PLA2G4D: variants seen among roughly 807,000 people sequenced by gnomAD.
The protein encoded by PLA2G4D is cytosolic phospholipase A2 delta.
A neutral mutation model predicts 94.4 loss-of-function variants in PLA2G4D; 80 were observed. The ratio of observed to expected loss-of-function variants is 0.85; its 90% CI spans 0.71 to 1.02. The LOEUF is 1.02. PLA2G4D is among the 50% of genes least tolerant of loss of function. The pLI is 0.00. For synonymous variants in PLA2G4D, 438 were observed against 440.9 expected, an observed-to-expected ratio of 0.99 and a Z score of 0.08; for missense variants, 1,050 against 1,034.7, an observed-to-expected ratio of 1.01 and a Z score of -0.20.
At chr15:42,091,711 A>C (rs528603737) in intron 1 of PLA2G4D, among the ~76,000 whole-genome samples, 11 of 152,240 alleles carry the variant, frequency 7.2e-5, no homozygotes, top group African/African-American at 2.6e-4. Context: ...TTCAGTAGTC[A>C]CGCTCCTAGT....
In PLA2G4D at chr15:42,079,650, G is replaced by A. The variant is rs768924485; in HGVS notation, c.1204C>T (p.Pro402Ser). 6.2e-7 allele frequency: 1 copy of A among 1,613,000 alleles called. No homozygotes were observed. The highest frequency in any genetic ancestry group is 1.1e-5 in the South Asian group (1 of 90,928). ...CGGCGGTAGCTCGCCAGGCGCTCTG[G>A]GGAAAAGACCTCCAGCTTGCTCTTG... The part of the protein sequence containing the change: ...LAKSKLEVFS[P>S]ERLASYRREL... The change falls in exon 13 of 20, where the codon CCA becomes TCA. Residue 402 changes from proline to serine, a missense_variant. Transcript: ENST00000290472.
chr15:42,072,736 C>T (rs1408869053), intron 13 of PLA2G4D, among the ~76,000 whole-genome samples: 1 of 152,216 alleles, frequency 6.6e-6, no homozygotes, highest in African/African-American at 2.4e-5. Context: ...GACACATGCA[C>T]ACATCCACGT....
At chr15:42,091,037 G>A (rs572169577) in intron 1 of PLA2G4D, among the ~76,000 whole-genome samples, 2 of 152,104 alleles carry the variant, frequency 1.3e-5, no homozygotes, top group South Asian at 2.1e-4. Context: ...CCTGTCATTC[G>A]ACACATTCCG....
chr15:42,086,116 C>T, intron 4 of PLA2G4D, 97 bp downstream of exon 4: 2 of 1,348,168 alleles, frequency 1.5e-6, no homozygotes, highest in East Asian at 2.5e-5. Flanking sequence ...ATGAGTTCAC[C>T]CCAGCAGCCT....
At position 42,071,509 on chromosome 15, in the gene PLA2G4D, C is replaced by G; in HGVS notation, c.1616G>C (p.Trp539Ser). The change falls in exon 16 of 20, where the codon TGG becomes TCG. Residue 539 changes from tryptophan (W) to serine (S), a missense_variant. By Grantham distance (177) the Trp-to-Ser change is radical. Transcript: ENST00000290472. ...NIFSLNLLDAWYDLTSSGESW... is the reference protein window; with the variant it reads ...NIFSLNLLDASYDLTSSGESW... The stretch of plus-strand genomic sequence containing the variant: ...CTCCCCAGAACTGGTGAGGTCATAC[C>G]AGGCATCCAGCAGGTTCAGGGAGAA... 1 of 1,613,960 alleles carries G rather than the reference C, an allele frequency of 6.2e-7. No individual in the cohort carries two copies. Among genetic ancestry groups the G allele is most frequent in the Non-Finnish European group, 8.5e-7 (1 of 1,179,906 alleles).
In PLA2G4D at chr15:42,069,972, C is replaced by G. The variant is rs750129637; in HGVS notation, c.2167G>C (p.Glu723Gln). The change falls in exon 19 of 20, where the codon GAG (glutamate) becomes CAG (glutamine). Residue 723 changes from glutamate to glutamine, a missense_variant. Coordinates refer to ENST00000290472, the MANE Select transcript of PLA2G4D (RefSeq NM_178034.4). ...CHLFSDPACP[E>Q]APILLHFPLV... ...GGGAAGTGCAGCAGGATCGGGGCCT[C>G]GGGGCAGGCGGGGTCTGAGAAGAGG... 1.4e-5 allele frequency: 21 copies of G among 1,469,100 alleles called. No individual in the cohort carries two copies. Among genetic ancestry groups the G allele is most frequent in the Non-Finnish European group, 1.9e-5 (21 of 1,113,850 alleles). The allele number at this position is 1,469,100 out of a possible 1,614,324, so 91.0% of individuals were successfully genotyped here.
chr15:42,089,042 C>T (rs639560), intron 1 of PLA2G4D, among the ~76,000 whole-genome samples: 8,523 of 152,326 alleles, frequency 0.056, 280 homozygotes, highest in East Asian at 0.15. Context: ...TTAGACTCCC[C>T]ATTAAGTAAG....
chr15:42,080,506 T>C (rs1745326319), intron 12 of PLA2G4D, among the ~76,000 whole-genome samples: 1 of 152,226 alleles, frequency 6.6e-6, no homozygotes, highest in African/African-American at 2.4e-5. Flanking sequence ...TAAGGGAATC[T>C]ACCTCGAGTG....
intron 3 of PLA2G4D, 135 bp from the exon 4 acceptor site, chr15:42,086,479 A>T: frequency 2.4e-6 from 2 of 818,244 alleles, no homozygotes. Context: ...CAAAATAAAA[A>T]AAAAAACTGT....
chr15:42,085,552 CA>C (rs1890125942), intron 4 of PLA2G4D, 21 bp from the exon 5 acceptor site: 2 of 1,611,900 alleles, frequency 1.2e-6, no homozygotes, highest in South Asian at 2.2e-5. Context: ...AGAGCATGAG[CA>C]AGTCATCAGC....
intron 7 of PLA2G4D, 23 bp downstream of exon 7, chr15:42,083,693 G>A (rs1030173089): frequency 6.2e-7 from 1 of 1,613,440 alleles, no homozygotes; most frequent in Non-Finnish European, 8.5e-7. Flanking sequence ...CAGAGTCCAG[G>A]CCTGGTTCTA....
At chr15:42,075,126 G>T (rs1299876131) in intron 13 of PLA2G4D, among the ~76,000 whole-genome samples, 1 of 152,154 alleles carries the variant, frequency 6.6e-6, no homozygotes, top group South Asian at 2.1e-4. Context: ...GTCTCACTAT[G>T]TTGTCCAGGT....
chr15:42,093,613 C>T (rs930063498), intron 1 of PLA2G4D, among the ~76,000 whole-genome samples: 1 of 152,214 alleles, frequency 6.6e-6, no homozygotes, highest in African/African-American at 2.4e-5. Context: ...GGGTCCCTCT[C>T]ATCTTCCCCC....
chr15:42,085,058 T>C (rs1361787909), intron 6 of PLA2G4D, 38 bp downstream of exon 6: 1 of 1,612,658 alleles, frequency 6.2e-7, no homozygotes. Context: ...AAGCGTCTGC[T>C]CTGGGGCCCC....
chr15:42,071,676 CTTGTCCTGAGGTTCT>C, intron 15 of PLA2G4D, 83 bp downstream of exon 15: 1 of 1,421,784 alleles, frequency 7.0e-7, no homozygotes, highest in African/African-American at 1.4e-5. Flanking sequence ...ACCCCTCCCC[CTTGTCCTGAGGTTCT>C]GCCCCACCTG....
intron 13 of PLA2G4D, among the ~76,000 whole-genome samples, chr15:42,077,815 T>C (rs868003891): frequency 1.3e-5 from 2 of 152,246 alleles, no homozygotes; most frequent in Non-Finnish European, 2.9e-5. Context: ...GACAGATTTC[T>C]ACCCTTCTGC....
intron 1 of PLA2G4D, among the ~76,000 whole-genome samples, chr15:42,092,695 C>T (rs753031625): frequency 1.6e-4 from 24 of 152,138 alleles, no homozygotes; most frequent in Admixed American, 1.4e-3. Flanking sequence ...CTGAACCTTG[C>T]GCAGGGACCC....
intron 16 of PLA2G4D, 46 bp downstream of exon 16, chr15:42,071,398 A>G (rs2141092650): frequency 1.3e-6 from 2 of 1,576,266 alleles, no homozygotes; most frequent in South Asian, 2.3e-5. Context: ...AGCATTCTAA[A>G]GGAACAGCGT....
intron 10 of PLA2G4D, 38 bp downstream of exon 10, chr15:42,081,759 C>T (rs993175107): frequency 5.4e-5 from 87 of 1,613,916 alleles, no homozygotes; most frequent in Middle Eastern, 1.6e-4. Flanking sequence ...CCTGCATGCC[C>T]GCCTCTCACT....
Sources: allele counts gnomAD v4.1 joint callset (sites outside exome capture counted in the v4.1 genomes callset), GRCh38; gene constraint gnomAD v4.1.1; transcripts MANE v1.5; gene names NCBI Gene and HGNC (gene_info 2026-07-23, HGNC 2026-07-21).